The following SETMAR variants were observed in gnomAD, a reference collection of about 807,000 sequenced individuals.
SETMAR encodes histone-lysine N-methyltransferase SETMAR.
Under a neutral mutation model 58.4 loss-of-function variants are expected in SETMAR, and 44 were observed. That is an observed-to-expected ratio of 0.75 (90% CI 0.59 to 0.97). SETMAR has a LOEUF of 0.97. Among genes scored for constraint, SETMAR ranks in the 50% least tolerant of loss-of-function variants. The pLI, the probability that SETMAR is intolerant of heterozygous loss-of-function variation, is 0.00. For missense variants in SETMAR, 903 were observed against 840.2 expected (o/e 1.07, Z -0.92); for synonymous variants, 332 against 307.4 (o/e 1.08, Z -0.84).
chr3:4,313,517 C>T lies in SETMAR; in HGVS notation c.776C>T (p.Ser259Phe), dbSNP rs200823423. The T allele has an allele frequency of 1.5e-5, 24 of 1,613,854 alleles. No individual in the cohort carries two copies. The highest frequency in any genetic ancestry group is 1.9e-5 in the Non-Finnish European group (22 of 1,179,964). Residue 259 changes from serine (S) to phenylalanine (F), a missense_variant, in exon 2 of 3, where the codon TCT (serine) becomes TTT (phenylalanine). Physicochemically the swap from Ser to Phe is radical, Grantham distance 155 (BLOSUM62 -2). Transcript: ENST00000358065. Reference protein sequence around the residue: ...AKDIVPEEELSYDYSGRYLNL... With the variant: ...AKDIVPEEELFYDYSGRYLNL... ...GATATTGTGCCAGAAGAAGAACTCTCTTATGATTATTCAGGAAGATATCTT... is the reference window on the plus strand; with the variant it reads ...GATATTGTGCCAGAAGAAGAACTCTTTTATGATTATTCAGGAAGATATCTT...
At chr3:4,303,868 G>A (rs1457931037) in intron 1 of SETMAR, 1 of 1,301,826 alleles carries the variant, frequency 7.7e-7, no homozygotes, top group Admixed American at 2.5e-5. Flanking sequence ...GTCTCTCACA[G>A]GTAGGATAAG....
At chr3:4,305,450 G>A (rs1464820127) in intron 1 of SETMAR, among the ~76,000 whole-genome samples, 2 of 152,150 alleles carry the variant, frequency 1.3e-5, no homozygotes, top group East Asian at 3.9e-4. Flanking sequence ...GGAGCAGGTT[G>A]TAAAATGTTT....
Position 4,316,238 on chromosome 3 carries a change from G to A in SETMAR, c.1047G>A (p.Lys349=), listed in dbSNP as rs1336899464. Residue 349 remains lysine, a synonymous_variant, in exon 3 of 3, where the codon AAG becomes AAA. Coordinates refer to ENST00000358065, the MANE Select transcript of SETMAR (RefSeq NM_006515.4). ...LETMKMMLDK[K]QIRAIFLFEF... is the part of the protein sequence containing the mutation. The stretch of plus-strand genomic sequence containing the variant: ...CTATGAAAATGATGTTAGACAAAAA[G>A]CAAATTCGAGCAATTTTCTTATTCG... 8 of 737,558 alleles carry A rather than the reference G, an allele frequency of 1.1e-5. No homozygotes were observed. The highest frequency in any genetic ancestry group is 3.5e-4 in the Middle Eastern group (1 of 2,818). The allele number at this position is 737,558 out of a possible 1,614,324, so 45.7% of individuals were successfully genotyped here. A position where few individuals can be genotyped will look rare whatever the true frequency, so the allele number is the denominator to read the frequency against.
intron 1 of SETMAR, among the ~76,000 whole-genome samples, chr3:4,304,529 T>C (rs1698104396): frequency 6.6e-6 from 1 of 152,228 alleles, no homozygotes; most frequent in Non-Finnish European, 1.5e-5. Context: ...GAAAGAGCGC[T>C]GGACGTGGAA....
At chr3:4,314,943 C>T (rs1698575875) in intron 2 of SETMAR, among the ~76,000 whole-genome samples, 1 of 152,148 alleles carries the variant, frequency 6.6e-6, no homozygotes, top group Admixed American at 6.5e-5. Flanking sequence ...TAACACTATT[C>T]CTCTGTAATA....
chr3:4,309,583 G>T (rs1314727718), intron 1 of SETMAR, among the ~76,000 whole-genome samples: 1 of 152,192 alleles, frequency 6.6e-6, no homozygotes, highest in African/African-American at 2.4e-5. Context: ...TCTGGACCCA[G>T]TAATTCTAAA....
Position 4,303,488 on chromosome 3 carries a change from G to T in SETMAR, c.118G>T (p.Gly40Cys). 1 of 1,497,194 alleles carries T rather than the reference G, an allele frequency of 6.7e-7. No homozygotes were observed. Among genetic ancestry groups the T allele is most frequent in the East Asian group, 2.9e-5 (1 of 34,460 alleles). 92.7% of individuals were successfully genotyped at this position (1,497,194 alleles called of 1,614,324 possible). A position where few individuals can be genotyped will look rare whatever the true frequency, so the allele number is the denominator to read the frequency against. Residue 40 changes from glycine (G) to cysteine (C), a missense_variant, in exon 1 of 3, where the codon GGC becomes TGC. Transcript: ENST00000358065. ...VACGQENLPV[G>C]AWPPGAAPAP... ...GTGCGGCCAGGAAAACTTGCCGGTGGGCGCGTGGCCCCCGGGGGCCGCGCC... is the reference window on the plus strand; with the variant it reads ...GTGCGGCCAGGAAAACTTGCCGGTGTGCGCGTGGCCCCCGGGGGCCGCGCC...
At chr3:4,303,600 G>A in intron 1 of SETMAR, 74 bp downstream of exon 1, 1 of 1,375,368 alleles carries the variant, frequency 7.3e-7, no homozygotes, top group Non-Finnish European at 9.4e-7. Flanking sequence ...CCGCCTCGCT[G>A]GGACGGCCTC....
intron 1 of SETMAR, among the ~76,000 whole-genome samples, chr3:4,312,360 CAAAAG>C (rs890209978): frequency 2.0e-5 from 3 of 151,926 alleles, no homozygotes; most frequent in Admixed American, 6.5e-5. Context: ...AAGAGGGAAA[CAAAAG>C]AAGTTACAAA....
chr3:4,304,663 T>G (rs7628979), intron 1 of SETMAR, among the ~76,000 whole-genome samples: 54,410 of 152,166 alleles, frequency 0.36, 10,912 homozygotes, highest in Non-Finnish European at 0.45. Flanking sequence ...TTATCAACAA[T>G]GAACCCTATC....
In SETMAR at chr3:4,316,501, A is replaced by G. The variant is rs573824448; in HGVS notation, c.1310A>G (p.Asn437Ser). 133 of 1,598,532 alleles carry G rather than the reference A, an allele frequency of 8.3e-5. 1 individual carries two copies. The highest frequency in any genetic ancestry group is 5.9e-4 in the South Asian group (52 of 87,978). Residue 437 changes from asparagine (N) to serine (S), a missense_variant, in exon 3 of 3, where the codon AAT (asparagine) becomes AGT (serine). Asn to Ser is a conservative substitution (Grantham distance 46). Transcript: ENST00000358065. ...ACACGAGAAGTTGCTGAAGAACTCAATGTCAACCATTCTACGGTCGTTCGA... is the reference window on the plus strand; with the variant it reads ...ACACGAGAAGTTGCTGAAGAACTCAGTGTCAACCATTCTACGGTCGTTCGA... The part of the protein sequence containing the change: ...TTTREVAEEL[N>S]VNHSTVVRHL...
At chr3:4,312,703 T>TAAAAAAAAAAA (rs375529794) in intron 1 of SETMAR, among the ~76,000 whole-genome samples, 195 bp from the exon 2 acceptor site, 106 of 135,872 alleles carry the variant, frequency 7.8e-4, no homozygotes, top group Non-Finnish European at 1.3e-3. Flanking sequence ...CCCTGTCTCT[T>TAAAAAAAAAAA]AAAAAAAAAA....
intron 1 of SETMAR, 150 bp downstream of exon 1, chr3:4,303,676 C>G (rs965188872): frequency 1.1e-5 from 17 of 1,490,820 alleles, no homozygotes; most frequent in Non-Finnish European, 1.4e-5. Context: ...GTGTGCATGC[C>G]CCGGCCTGGG....
In SETMAR at chr3:4,310,970, T is replaced by C. The variant is rs554035215; in HGVS notation, c.157-1928T>C. On this transcript the variant is annotated intron_variant, in intron 1 of 2. Transcript: ENST00000358065. ...TTTAAAAAGCTGAAAGTAGATTCTCTATAAAACAGCAGTCGTTGAGTTTGA... is the reference window on the plus strand; with the variant it reads ...TTTAAAAAGCTGAAAGTAGATTCTCCATAAAACAGCAGTCGTTGAGTTTGA... 3.3e-5 allele frequency among the ~76,000 whole-genome samples: 5 copies of C among 152,352 alleles called. No individual in the cohort carries two copies. The East Asian group carries it at 9.6e-4, about 29-fold the overall frequency.
In SETMAR at chr3:4,303,449, C is replaced by A. The variant is rs1214368351; in HGVS notation, c.79C>A (p.Gln27Lys). The A allele has an allele frequency of 1.3e-6, 2 of 1,545,798 alleles. No individual in the cohort carries two copies. Among genetic ancestry groups the A allele is most frequent in the African/African-American group, 1.4e-5 (1 of 70,102 alleles). Residue 27 changes from glutamine to lysine, a missense_variant, in exon 1 of 3, where the codon CAG becomes AAG. Transcript: ENST00000358065. ...FKEKPEAPTE[Q>K]LDVACGQENL... is the part of the protein sequence containing the mutation. ...GGAGAAGCCTGAGGCCCCGACTGAGCAGCTGGATGTCGCGTGCGGCCAGGA... is the reference window on the plus strand; with the variant it reads ...GGAGAAGCCTGAGGCCCCGACTGAGAAGCTGGATGTCGCGTGCGGCCAGGA...
intron 1 of SETMAR, among the ~76,000 whole-genome samples, chr3:4,312,685 G>A (rs1698453361): frequency 7.0e-6 from 1 of 142,990 alleles, no homozygotes; most frequent in Non-Finnish European, 1.5e-5. Flanking sequence ...CTGTGCAACA[G>A]AGCAAGACCC....
At chr3:4,303,556 C>G in intron 1 of SETMAR, 30 bp downstream of exon 1, 2 of 1,339,394 alleles carry the variant, frequency 1.5e-6, no homozygotes, top group Non-Finnish European at 1.9e-6. Flanking sequence ...GCGCGGGAGG[C>G]GGGCGCGCGG....
At chr3:4,304,019 C>G (rs1698071681) in intron 1 of SETMAR, 2 of 307,562 alleles carry the variant, frequency 6.5e-6, no homozygotes, top group Non-Finnish European at 1.2e-5. Flanking sequence ...AGTCTTCCAG[C>G]GTACAGTGGA....
chr3:4,303,520 C>G lies in SETMAR; in HGVS notation c.150C>G (p.Pro50=). The G allele has an allele frequency of 7.0e-7, 1 of 1,430,078 alleles. No individual in the cohort carries two copies. Among genetic ancestry groups the G allele is most frequent in the Non-Finnish European group, 9.1e-7 (1 of 1,097,160 alleles). 88.6% of individuals were successfully genotyped at this position (1,430,078 alleles called of 1,614,324 possible). A position where few individuals can be genotyped will look rare whatever the true frequency, so the allele number is the denominator to read the frequency against. Residue 50 remains proline (P), a synonymous_variant, in exon 1 of 3, where the codon CCC becomes CCG. Coordinates refer to ENST00000358065, the MANE Select transcript of SETMAR (RefSeq NM_006515.4). ...GGCCCCCGGGGGCCGCGCCGGCGCCCTTCCAGGTAGGGGCGGGGCCAGGCG... is the reference window on the plus strand; with the variant it reads ...GGCCCCCGGGGGCCGCGCCGGCGCCGTTCCAGGTAGGGGCGGGGCCAGGCG... ...GAWPPGAAPA[P]FQYTPDHVVG...
Sources: gnomAD v4.1 joint callset for allele counts (sites outside exome capture counted in the v4.1 genomes callset) on GRCh38, gnomAD v4.1.1 for gene constraint, MANE v1.5 for transcripts, NCBI Gene and HGNC (gene_info 2026-07-23, HGNC 2026-07-21) for gene names.